Variants in RUBCN observed in about 807,000 individuals in gnomAD.
The protein encoded by RUBCN is run domain Beclin-1-interacting and cysteine-rich domain-containing protein.
Under a neutral mutation model 113.2 loss-of-function variants are expected in RUBCN, and 74 were observed. The ratio of observed to expected loss-of-function variants is 0.65; its 90% confidence interval spans 0.54 to 0.79. The LOEUF is 0.79. Ranked by LOEUF, RUBCN falls within the 30% of genes least tolerant of loss-of-function variation. RUBCN has a pLI of 0.00. For missense variants in RUBCN, 1,109 were observed against 1,251.7 expected (o/e 0.89, Z 1.72); for synonymous variants, 480 against 490.0 (o/e 0.98, Z 0.27).
At chr3:197,676,236 T>C in intron 18 of RUBCN, 1 of 991,334 alleles carries the variant, frequency 1.0e-6, no homozygotes, top group Non-Finnish European at 1.2e-6. Context: ...AAGTATTTAT[T>C]TTGGTCATAA....
Position 197,736,669 on chromosome 3 carries a change from C to A in RUBCN, c.51G>T (p.Leu17=), listed in dbSNP as rs898124857. The change falls in exon 1 of 20, where the codon CTG becomes CTT. Residue 17 remains leucine (L), a synonymous_variant. Coordinates refer to ENST00000296343, the MANE Select transcript of RUBCN (RefSeq NM_014687.4). The stretch of plus-strand genomic sequence containing the variant: ...TCCCAGCCCACCTGCTCTCCTCAGG[C>A]AGGCGCTCCTCGCCGCCTCCGAGCT... ...GMELGGGEER[L]PEESRREHWQ... is the part of the protein sequence containing the mutation. 1.3e-6 allele frequency: 2 copies of A among 1,532,556 alleles called. No homozygotes were observed. Among genetic ancestry groups the A allele is most frequent in the Non-Finnish European group, 1.7e-6 (2 of 1,146,178 alleles). 94.9% of individuals were successfully genotyped at this position (1,532,556 alleles called of 1,614,324 possible). A position where few individuals can be genotyped will look rare whatever the true frequency, so the allele number is the denominator to read the frequency against.
chr3:197,695,973 G>A lies in RUBCN; in HGVS notation c.1366C>T (p.Arg456Trp), dbSNP rs147227348. Reference protein sequence around the residue: ...SSLYMEYEGGRYLCSGEGMFR... With the variant: ...SSLYMEYEGGWYLCSGEGMFR... The stretch of plus-strand genomic sequence containing the variant: ...ATGCCTTCCCCTGAGCACAGGTACC[G>A]ACCACCTTCTGTGGGAAATGGAATG... The change falls in exon 9 of 20, where the codon CGG (arginine) becomes TGG (tryptophan). Residue 456 changes from arginine to tryptophan, a missense_variant. By Grantham distance (101) the Arg-to-Trp change is moderately radical. This residue lies in a region of RUBCN where 736 missense variants were observed against 779.6 expected (regional missense o/e 0.94). Coordinates refer to ENST00000296343, the MANE Select transcript of RUBCN (RefSeq NM_014687.4). 5.1e-5 allele frequency: 82 copies of A among 1,614,064 alleles called. No homozygotes were observed. In the Middle Eastern group the frequency reaches 9.9e-4, roughly 19 times the overall value.
intron 2 of RUBCN, among the ~76,000 whole-genome samples, chr3:197,707,464 G>A (rs1457083228): frequency 6.6e-6 from 1 of 152,090 alleles, no homozygotes; most frequent in Non-Finnish European, 1.5e-5. Context: ...AAGAAATATT[G>A]TTGAGAAAAT....
chr3:197,737,051 TC>T, upstream of RUBCN: 1 of 598,292 alleles, frequency 1.7e-6, no homozygotes, highest in Non-Finnish European at 2.2e-6. Context: ...CGCCCTCCAA[TC>T]CCAGGCCGCT....
chr3:197,704,349 G>A (rs1433930307), intron 4 of RUBCN, among the ~76,000 whole-genome samples, 193 bp downstream of exon 4: 3 of 152,164 alleles, frequency 2.0e-5, no homozygotes, highest in Admixed American at 6.5e-5. Context: ...CGGGAGAATT[G>A]CTTGAACCCA....
chr3:197,733,544 G>A (rs1319351791), intron 1 of RUBCN, among the ~76,000 whole-genome samples: 1 of 152,114 alleles, frequency 6.6e-6, no homozygotes, highest in Non-Finnish European at 1.5e-5. Flanking sequence ...TTTCTGAACT[G>A]GGTATTTCAT....
chr3:197,681,272 G>A lies in RUBCN; in HGVS notation c.2287C>T (p.Leu763=). ...TACTTGCTGAAGTCCCACTTGCGCA[G>A]AACCCGGCTGGGGATGGCCATCTGG... ...NAQMAIPSRV[L]RKWDFSKYYV... Residue 763 remains leucine, a synonymous_variant, in exon 16 of 20, where the codon CTG becomes TTG. Coordinates refer to ENST00000296343, the MANE Select transcript of RUBCN (RefSeq NM_014687.4). This position sits in a 1 kb window ranked among gnomAD's most constrained non-coding sequence, Gnocchi z 5.5. The A allele has an allele frequency of 6.2e-7, 1 of 1,614,172 alleles. No homozygotes were observed. The highest frequency in any genetic ancestry group is 8.5e-7 in the Non-Finnish European group (1 of 1,180,012).
At position 197,681,110 on chromosome 3, in the gene RUBCN, G is replaced by A; in HGVS notation, c.2430+19C>T. 6.5e-7 allele frequency: 1 copy of A among 1,540,410 alleles called. No individual in the cohort carries two copies. The highest frequency in any genetic ancestry group is 9.0e-7 in the Non-Finnish European group (1 of 1,114,144). ...AGGAGAAGGGCAAGACTCTAAGGTG[G>A]CCTTTTCCAAGGTCTTACCCGGACT... On this transcript the variant is annotated intron_variant, in intron 16 of 19. Transcript: ENST00000296343. This position sits in a 1 kb window ranked among gnomAD's most constrained non-coding sequence, Gnocchi z 5.5.
chr3:197,749,071 T>C (rs1728886507), intron 1 of RUBCN, among the ~76,000 whole-genome samples: 1 of 152,246 alleles, frequency 6.6e-6, no homozygotes, highest in Admixed American at 6.5e-5. Context: ...TAAACGCAGT[T>C]ACTTCAGGGA....
At chr3:197,676,827 C>T (rs367584206) in intron 18 of RUBCN, 58 bp downstream of exon 18, 30 of 1,612,678 alleles carry the variant, frequency 1.9e-5, no homozygotes, top group Middle Eastern at 1.6e-4. Flanking sequence ...GGTCCACCCC[C>T]CTCCCTGTAT....
At position 197,675,194 on chromosome 3, in the gene RUBCN, A is replaced by C. The variant is rs1720222574; in HGVS notation, c.2743T>G (p.Cys915Gly). The C allele has an allele frequency of 1.9e-6, 3 of 1,614,022 alleles. No individual in the cohort carries two copies. Among genetic ancestry groups the C allele is most frequent in the Non-Finnish European group, 2.5e-6 (3 of 1,180,026 alleles). The change falls in exon 20 of 20, where the codon TGT (cysteine) becomes GGT (glycine). Residue 915 changes from cysteine to glycine, a missense_variant and splice_region_variant. This residue lies in a region of RUBCN where 306 missense variants were observed against 348.9 expected (regional missense o/e 0.88). Transcript: ENST00000296343. The surrounding 1 kb of genome is among the most constrained non-coding windows in gnomAD (Gnocchi z 4.4). ...CAGGCTTTATGGTAACACGCTTTAC[A>C]CTCTACTCAGGTTGGGAAGGTGGGG... The part of the protein sequence containing the change: ...ELHKCRTCEE[C>G]KACYHKACFK...
chr3:197,739,317 G>A (rs1248958978), upstream of RUBCN, among the ~76,000 whole-genome samples: 2 of 145,572 alleles, frequency 1.4e-5, no homozygotes, highest in South Asian at 2.2e-4. Context: ...CTTGAACCCA[G>A]GAGGCAGGGC....
At chr3:197,712,898 C>T (rs1028938632) in intron 2 of RUBCN, among the ~76,000 whole-genome samples, 2 of 149,752 alleles carry the variant, frequency 1.3e-5, no homozygotes, top group South Asian at 2.1e-4. Context: ...TCGCTCTTGT[C>T]ACCCAGGCTG....
chr3:197,738,308 G>T (rs533540977), upstream of RUBCN, among the ~76,000 whole-genome samples: 1 of 152,230 alleles, frequency 6.6e-6, no homozygotes, highest in East Asian at 1.9e-4. Flanking sequence ...CTCTATAAAG[G>T]ACTGACTGTG....
At chr3:197,685,662 G>A (rs925553018) in intron 11 of RUBCN, among the ~76,000 whole-genome samples, 10 of 152,214 alleles carry the variant, frequency 6.6e-5, no homozygotes, top group Admixed American at 2.0e-4. Context: ...TGTTCTCTGA[G>A]CACAGGACAA....
Position 197,674,781 on chromosome 3 carries a change from T to C in RUBCN, c.*237A>G. 1.9e-6 allele frequency: 1 copy of C among 532,406 alleles called. No individual in the cohort carries two copies. The highest frequency in any genetic ancestry group is 3.3e-6 in the Non-Finnish European group (1 of 303,856). The allele number at this position is 532,406 out of a possible 1,614,324, so 33.0% of individuals were successfully genotyped here. On this transcript the variant is annotated 3_prime_UTR_variant, in exon 20 of 20. Coordinates refer to ENST00000296343, the MANE Select transcript of RUBCN (RefSeq NM_014687.4). ...CACTGAAGGACCCGCATGTCAGTTC[T>C]GATGGAAACACCTGGTGTTTACAAA...
At chr3:197,745,764 C>T (rs1431180310) in intron 1 of RUBCN, among the ~76,000 whole-genome samples, 9 of 151,986 alleles carry the variant, frequency 5.9e-5, no homozygotes, top group African/African-American at 2.2e-4. Flanking sequence ...GAGCTGGGCG[C>T]GGTGGCTCAC....
rs1437087778 is a variant in RUBCN, at chr3:197,697,024, C to T, written c.1287G>A (p.Leu429=). 2 of 1,603,268 alleles carry T rather than the reference C, an allele frequency of 1.2e-6. No homozygotes were observed. The highest frequency in any genetic ancestry group is 2.2e-5 in the South Asian group (2 of 90,878). ...GACCAGAGTAGGGCAAAGGGCCTCTCAACTTCGCCTTATCATTGCAGGATT... is the reference window on the plus strand; with the variant it reads ...GACCAGAGTAGGGCAAAGGGCCTCTTAACTTCGCCTTATCATTGCAGGATT... ...APESCNDKAK[L]RGPLPYSGQS... The change falls in exon 8 of 20, where the codon TTG becomes TTA. Residue 429 remains leucine (L), a synonymous_variant. Coordinates refer to ENST00000296343, the MANE Select transcript of RUBCN (RefSeq NM_014687.4).
At chr3:197,736,227 C>A (rs879304167) in intron 1 of RUBCN, among the ~76,000 whole-genome samples, 8 of 152,322 alleles carry the variant, frequency 5.3e-5, no homozygotes, top group Admixed American at 5.2e-4. Context: ...ACCTCTGCTC[C>A]CAGGAATTCT....
Sources: gnomAD v4.1 joint callset for allele counts (sites outside exome capture counted in the v4.1 genomes callset) on GRCh38, gnomAD v4.1.1 for gene constraint, gnomAD v4.1.1 regional missense constraint, Gnocchi (gnomAD v3.1) non-coding constraint, MANE v1.5 for transcripts, NCBI Gene and HGNC (gene_info 2026-07-23, HGNC 2026-07-21) for gene names.